The following BTBD8 variants were observed in gnomAD, a reference collection of about 807,000 sequenced individuals.
BTBD8 encodes the protein BTB domain containing 8.
In BTBD8, 110 loss-of-function variants were observed where a neutral mutation model predicts 162.9. That is an observed-to-expected ratio of 0.68 (90% CI 0.58 to 0.79). The LOEUF is 0.79. BTBD8 is among the 30% of genes least tolerant of loss of function. BTBD8 has a pLI of 0.00. For synonymous variants in BTBD8, 667 were observed against 716.1 expected (o/e 0.93, Z 1.10); for missense variants, 1,905 against 2,085.4 (o/e 0.91, Z 1.68).
chr1:92,147,401 T>A, intron 8 of BTBD8, 133 bp downstream of exon 8: 2 of 686,232 alleles, frequency 2.9e-6, no homozygotes, highest in Non-Finnish European at 4.8e-6. Flanking sequence ...AGTGCTAAAC[T>A]AGTTTCACCA....
intron 3 of BTBD8, 122 bp downstream of exon 3, chr1:92,102,791 A>G: frequency 1.2e-6 from 1 of 866,036 alleles, no homozygotes; most frequent in Non-Finnish European, 1.6e-6. Context: ...AGCATGGAGA[A>G]CTGAAAACAC....
intron 9 of BTBD8, among the ~76,000 whole-genome samples, chr1:92,151,923 C>T (rs1650055000): frequency 6.6e-6 from 1 of 152,132 alleles, no homozygotes; most frequent in South Asian, 2.1e-4. Flanking sequence ...ATATGTACCA[C>T]ATTTTCTTTA....
intron 5 of BTBD8, 101 bp from the exon 6 acceptor site, chr1:92,139,249 A>G (rs1649708920): frequency 1.6e-6 from 2 of 1,274,836 alleles, no homozygotes; most frequent in Non-Finnish European, 2.1e-6. Flanking sequence ...TAAAAGGAAG[A>G]TTAGAACATC....
chr1:92,104,120 C>T (rs1009604968), intron 3 of BTBD8, among the ~76,000 whole-genome samples: 1 of 152,228 alleles, frequency 6.6e-6, no homozygotes, highest in African/African-American at 2.4e-5. Flanking sequence ...ATGCGAAATT[C>T]ATGTTATGCT....
chr1:92,113,177 C>T (rs1262864366), intron 4 of BTBD8, among the ~76,000 whole-genome samples: 1 of 152,172 alleles, frequency 6.6e-6, no homozygotes, highest in Admixed American at 6.5e-5. Flanking sequence ...CCATCTACAG[C>T]ATTATTTTTA....
intron 1 of BTBD8, among the ~76,000 whole-genome samples, chr1:92,084,175 T>C (rs1032470086): frequency 2.0e-5 from 3 of 152,220 alleles, no homozygotes; most frequent in African/African-American, 7.2e-5. Context: ...CCATTGATCC[T>C]CTCCTGGCTT....
chr1:92,129,319 C>CA (rs1649449185), intron 4 of BTBD8, among the ~76,000 whole-genome samples: 2 of 151,928 alleles, frequency 1.3e-5, no homozygotes, highest in Non-Finnish European at 2.9e-5. Flanking sequence ...CCCATTTCTA[C>CA]AAAAAATTTA....
chr1:92,107,916 G>A lies in BTBD8; in HGVS notation c.577G>A (p.Gly193Arg). Residue 193 changes from glycine (G) to arginine (R), a missense_variant, in exon 4 of 18, where the codon GGA becomes AGA. Around this residue, in one of 3 missense-constraint regions of BTBD8, gnomAD observed 1,374 missense variants for 1,442.7 expected, o/e 0.95. Coordinates refer to ENST00000636805, the MANE Select transcript of BTBD8 (RefSeq NM_001376131.1). Reference protein sequence around the residue: ...NYDLEPASELGEDLLKLYVKP... With the variant: ...NYDLEPASELREDLLKLYVKP... ...TGACTTGGAGCCTGCATCTGAATTAGGAGAAGATTTATTGAAGCTTTATGT... is the reference window on the plus strand; with the variant it reads ...TGACTTGGAGCCTGCATCTGAATTAAGAGAAGATTTATTGAAGCTTTATGT... 4 of 1,613,938 alleles carry A rather than the reference G, an allele frequency of 2.5e-6. No individual in the cohort carries two copies. Among genetic ancestry groups the A allele is most frequent in the Non-Finnish European group, 3.4e-6 (4 of 1,179,958 alleles).
At chr1:92,091,536 C>CTT (rs549874884) in intron 2 of BTBD8, among the ~76,000 whole-genome samples, 1 of 146,210 alleles carries the variant, frequency 6.8e-6, no homozygotes, top group Non-Finnish European at 1.5e-5. Context: ...GCTGGTCTCT[C>CTT]TTTTTTTTTT....
chr1:92,088,565 C>A, intron 1 of BTBD8, 133 bp from the exon 2 acceptor site: 1 of 673,064 alleles, frequency 1.5e-6, no homozygotes, highest in Non-Finnish European at 2.2e-6. Flanking sequence ...TGAGAACAAA[C>A]TCATTTTTGT....
Position 92,177,276 on chromosome 1 carries a change from G to A in BTBD8, c.2083G>A (p.Val695Ile). ...EGQISGARPK[V>I]LTGNLNVQAK... Reference sequence around the variant, plus strand: ...GCAAATTTCAGGTGCCAGACCCAAGGTACTCACAGGAAACTTAAATGTGCA... The same window carrying A: ...GCAAATTTCAGGTGCCAGACCCAAGATACTCACAGGAAACTTAAATGTGCA... Residue 695 changes from valine to isoleucine, a missense_variant, in exon 14 of 18, where the codon GTA becomes ATA. Around this residue, in one of 3 missense-constraint regions of BTBD8, gnomAD observed 1,374 missense variants for 1,442.7 expected, o/e 0.95. Coordinates refer to ENST00000636805, the MANE Select transcript of BTBD8 (RefSeq NM_001376131.1). 1.3e-6 allele frequency: 2 copies of A among 1,552,016 alleles called. No individual in the cohort carries two copies. The highest frequency in any genetic ancestry group is 1.7e-6 in the Non-Finnish European group (2 of 1,147,068).
intron 8 of BTBD8, 91 bp downstream of exon 8, chr1:92,147,359 G>T: frequency 9.0e-7 from 1 of 1,108,136 alleles, no homozygotes; most frequent in East Asian, 2.5e-5. Flanking sequence ...GAGTTGGCCT[G>T]TTTTCTTGGA....
At chr1:92,108,671 A>G (rs1557442624) in intron 4 of BTBD8, among the ~76,000 whole-genome samples, 1 of 152,358 alleles carries the variant, frequency 6.6e-6, no homozygotes, top group East Asian at 1.9e-4. Flanking sequence ...TTAAAAGCAG[A>G]AAAAAATTTA....
chr1:92,184,345 GA>G lies in BTBD8; in HGVS notation c.*20del. On this transcript the variant is annotated 3_prime_UTR_variant, in exon 18 of 18. Transcript: ENST00000636805. ...CTCAGCATTAAGTGTTAACATTTTG[GA>G]AAAATTTATGCCACTCCTTTATTTT... 6.7e-7 allele frequency: 1 copy of G among 1,495,414 alleles called. No individual in the cohort carries two copies. Among genetic ancestry groups the G allele is most frequent in the Middle Eastern group, 1.7e-4 (1 of 5,764 alleles). 92.6% of individuals were successfully genotyped at this position (1,495,414 alleles called of 1,614,324 possible). A position where few individuals can be genotyped will look rare whatever the true frequency, so the allele number is the denominator to read the frequency against.
intron 3 of BTBD8, among the ~76,000 whole-genome samples, chr1:92,106,262 A>G (rs1648721766): frequency 6.6e-6 from 1 of 152,176 alleles, no homozygotes; most frequent in Admixed American, 6.5e-5. Flanking sequence ...AAGACCATTT[A>G]ATGCACGATG....
chr1:92,104,867 T>C (rs774810089), intron 3 of BTBD8, among the ~76,000 whole-genome samples: 1 of 152,176 alleles, frequency 6.6e-6, no homozygotes, highest in African/African-American at 2.4e-5. Context: ...ATAAATGGTA[T>C]TCTGTAATTT....
intron 13 of BTBD8, among the ~76,000 whole-genome samples, chr1:92,175,029 A>G (rs575550616): frequency 6.6e-6 from 1 of 152,270 alleles, no homozygotes; most frequent in South Asian, 2.1e-4. Context: ...CATTAACAAC[A>G]TTGATTACGT....
intron 3 of BTBD8, among the ~76,000 whole-genome samples, chr1:92,105,727 A>G (rs1648709481): frequency 6.6e-6 from 1 of 152,266 alleles, no homozygotes. Flanking sequence ...GTTTATATGA[A>G]CAAAGAACAA....
Position 92,154,547 on chromosome 1 carries a change from A to G in BTBD8, c.1122+6761A>G, listed in dbSNP as rs562208429. On this transcript the variant is annotated intron_variant, in intron 9 of 17. Transcript: ENST00000636805. ...TCCCTGATGATTAATGACATAGAAC[A>G]TCTTTTCATATACCTGTTGGCCATT... 2.2e-4 allele frequency among the ~76,000 whole-genome samples: 33 copies of G among 152,214 alleles called. No individual in the cohort carries two copies. In the South Asian group the frequency reaches 3.9e-3, roughly 18 times the overall value.
Sources: gnomAD v4.1 joint callset for allele counts (sites outside exome capture counted in the v4.1 genomes callset) on GRCh38, gnomAD v4.1.1 for gene constraint, gnomAD v4.1.1 regional missense constraint, MANE v1.5 for transcripts, NCBI Gene and HGNC (gene_info 2026-07-23, HGNC 2026-07-21) for gene names.